Variants in TENM2 observed in about 807,000 individuals in gnomAD.
TENM2 encodes the protein teneurin-2.
TENM2 carries 52 observed loss-of-function variants against 245.2 expected under a neutral mutation model. The observed-to-expected ratio is 0.21, with a 90% CI of 0.17 to 0.27. The LOEUF is 0.27. Ranked by LOEUF, TENM2 falls within the 10% of genes least tolerant of loss-of-function variation. The pLI, the probability that TENM2 is intolerant of heterozygous loss-of-function variation, is 1.00. For synonymous variants in TENM2, 1,363 were observed against 1,438.9 expected (o/e 0.95, Z 1.19); for missense variants, 3,046 against 3,666.8 (o/e 0.83, Z 4.37).
intron 3 of TENM2, 120 bp from the exon 6 acceptor site, chr5:167,952,468 T>G: frequency 1.2e-6 from 1 of 802,668 alleles, no homozygotes; most frequent in South Asian, 1.7e-5. Flanking sequence ...CGCTCTAGCT[T>G]GCAGCTTTCA....
At chr5:167,057,040 G>T in the TENM2 span, among the ~76,000 whole-genome samples, 11 of 151,574 alleles carry the variant, frequency 7.3e-5, no homozygotes, top group Admixed American at 3.9e-4. Context: ...TGTTCTCCCT[G>T]CTTTTCAGTT....
At chr5:167,075,821 TGTTTTCAAGAAATACCC>T in the TENM2 span, among the ~76,000 whole-genome samples, 1 of 152,196 alleles carries the variant, frequency 6.6e-6, no homozygotes, top group Non-Finnish European at 1.5e-5. Flanking sequence ...TCATTGAACC[TGTTTTCAAGAAATACCC>T]ACCTACTTGC....
intron 2 of TENM2, among the ~76,000 whole-genome samples, chr5:167,786,716 A>G (rs922394438): frequency 1.3e-5 from 2 of 152,092 alleles, no homozygotes; most frequent in African/African-American, 4.8e-5. Context: ...AAAAGCAATA[A>G]TTACCAGTCA....
At chr5:167,597,487 A>G (rs1409037537) in intron 2 of TENM2, among the ~76,000 whole-genome samples, 1 of 152,012 alleles carries the variant, frequency 6.6e-6, no homozygotes, top group Non-Finnish European at 1.5e-5. Flanking sequence ...CCATCCCCAT[A>G]TGTAACTTTC....
the TENM2 span, among the ~76,000 whole-genome samples, chr5:167,027,988 T>A: frequency 6.7e-6 from 1 of 150,308 alleles, no homozygotes; most frequent in Non-Finnish European, 1.5e-5. Context: ...GGAGAATCGC[T>A]TGAGCCTAGA....
the TENM2 span, among the ~76,000 whole-genome samples, chr5:167,018,714 A>G: frequency 2.0e-5 from 3 of 152,148 alleles, no homozygotes; most frequent in Non-Finnish European, 1.5e-5. Context: ...TATTCAAGGC[A>G]TGGAGGGTAA....
chr5:167,632,889 T>C (rs1029262941), intron 2 of TENM2, among the ~76,000 whole-genome samples: 1 of 152,176 alleles, frequency 6.6e-6, no homozygotes, highest in Non-Finnish European at 1.5e-5. Flanking sequence ...GCAAACATGT[T>C]TTATTGCTTT....
In TENM2 at chr5:167,629,074, C is replaced by A. The variant is rs116384552; in HGVS notation, c.503-246912C>A. Among the ~76,000 whole-genome samples, 854 of 152,280 alleles carry A rather than the reference C, an allele frequency of 5.6e-3. 4 individuals are homozygous for A. The highest frequency in any genetic ancestry group is 9.3e-3 in the Non-Finnish European group (632 of 68,012). On this transcript the variant is annotated intron_variant, in intron 2 of 28. Transcript: ENST00000518659. ...CCCCAAACAATCTTTGAAGTGAATTCTGTTATCATCACCATTTTCCACATT... is the reference window on the plus strand; with the variant it reads ...CCCCAAACAATCTTTGAAGTGAATTATGTTATCATCACCATTTTCCACATT...
intron 2 of TENM2, among the ~76,000 whole-genome samples, chr5:167,757,307 G>A (rs1380450323): frequency 2.2e-5 from 3 of 139,106 alleles, no homozygotes; most frequent in Non-Finnish European, 4.6e-5. Flanking sequence ...TGTTCTCATT[G>A]TTCAACTCCC....
chr5:167,168,750 TA>T, the TENM2 span, among the ~76,000 whole-genome samples: 1 of 152,158 alleles, frequency 6.6e-6, no homozygotes. Context: ...TGCCTGAGTT[TA>T]TTTTTTTTAA....
chr5:167,347,398 A>C (rs1318206471), intron 1 of TENM2, among the ~76,000 whole-genome samples: 1 of 152,206 alleles, frequency 6.6e-6, no homozygotes, highest in South Asian at 2.1e-4. Context: ...AGAAGCCTAG[A>C]GAATTGTCTC....
chr5:168,059,853 A>G (rs1311339671), intron 6 of TENM2, among the ~76,000 whole-genome samples: 2 of 152,180 alleles, frequency 1.3e-5, no homozygotes, highest in African/African-American at 4.8e-5. Flanking sequence ...TGTGCCAGAA[A>G]TTATTCTAAG....
At chr5:167,273,384 C>T in the TENM2 span, among the ~76,000 whole-genome samples, 139,982 of 152,156 alleles carry the variant, frequency 0.92, 64,448 homozygotes, top group East Asian at 0.98. Flanking sequence ...GGTTACCATC[C>T]TTCCTACTGC....
intron 2 of TENM2, among the ~76,000 whole-genome samples, chr5:167,844,081 C>G (rs188199627): frequency 6.6e-6 from 1 of 152,154 alleles, no homozygotes; most frequent in East Asian, 1.9e-4. Context: ...TTAGTTTGCT[C>G]AGTGTCCAGG....
chr5:168,217,742 C>A (rs930323576), intron 22 of TENM2, among the ~76,000 whole-genome samples: 1 of 152,098 alleles, frequency 6.6e-6, no homozygotes, highest in African/African-American at 2.4e-5. Context: ...ACATAGCTTC[C>A]GTAGGCGTCT....
intron 2 of TENM2, among the ~76,000 whole-genome samples, chr5:167,441,844 T>C (rs1040796699): frequency 1.3e-5 from 2 of 152,206 alleles, no homozygotes; most frequent in African/African-American, 4.8e-5. Flanking sequence ...TATCTTCTCT[T>C]GGAAGGATGT....
intron 12 of TENM2, among the ~76,000 whole-genome samples, chr5:168,153,525 C>T (rs1362186681): frequency 2.0e-5 from 3 of 152,122 alleles, no homozygotes; most frequent in Middle Eastern, 3.2e-3. Context: ...GTGCAGGGAG[C>T]GTAGTTCAGA....
chr5:167,323,430 T>C (rs561544013), intron 1 of TENM2, among the ~76,000 whole-genome samples: 2 of 152,302 alleles, frequency 1.3e-5, no homozygotes, highest in East Asian at 3.9e-4. Context: ...ATAATATGTG[T>C]GTTATATGTG....
At chr5:168,162,877 T>C in intron 13 of TENM2, 120 bp downstream of exon 15, 1 of 1,275,586 alleles carries the variant, frequency 7.8e-7, no homozygotes, top group Non-Finnish European at 1.1e-6. Context: ...TGTTGTAACA[T>C]TTTCTTTGAA....
Sources: gnomAD v4.1 joint callset for allele counts (sites outside exome capture counted in the v4.1 genomes callset) on GRCh38, gnomAD v4.1.1 for gene constraint, MANE v1.5 for transcripts, NCBI Gene and HGNC (gene_info 2026-07-23, HGNC 2026-07-21) for gene names.